LCORL: variants seen among roughly 807,000 people sequenced by gnomAD.
The protein encoded by LCORL is ligand dependent nuclear receptor corepressor like, also known as ligand-dependent nuclear receptor corepressor-like protein.
A neutral mutation model predicts 141.8 loss-of-function variants in LCORL; 41 were observed. The observed-to-expected ratio is 0.29, with a 90% CI of 0.23 to 0.38. LCORL has a LOEUF of 0.38. Among genes scored for constraint, LCORL ranks in the 10% least tolerant of loss-of-function variants. The pLI, the probability that LCORL is intolerant of heterozygous loss-of-function variation, is 1.00. For missense variants in LCORL, 1,759 were observed against 2,035.0 expected, an observed-to-expected ratio of 0.86 and a Z score of 2.61; for synonymous variants, 618 against 694.1, an observed-to-expected ratio of 0.89 and a Z score of 1.72.
chr4:18,005,919 T>G (rs2109848157), intron 1 of LCORL, among the ~76,000 whole-genome samples: 1 of 152,264 alleles, frequency 6.6e-6, no homozygotes, highest in South Asian at 2.1e-4. Context: ...CCCACAGTCT[T>G]GGGGATTAAC....
At chr4:18,003,556 T>C (rs1722317702) in intron 1 of LCORL, among the ~76,000 whole-genome samples, 1 of 152,096 alleles carries the variant, frequency 6.6e-6, no homozygotes, top group East Asian at 1.9e-4. Context: ...AACTGCAGTT[T>C]TTGCCATCAA....
intron 7 of LCORL, among the ~76,000 whole-genome samples, chr4:17,863,055 C>G (rs1725186938): frequency 6.6e-6 from 1 of 152,178 alleles, no homozygotes; most frequent in African/African-American, 2.4e-5. Context: ...GTGGCTCACA[C>G]CTGTAATCCC....
intron 7 of LCORL, among the ~76,000 whole-genome samples, chr4:17,871,433 A>G (rs2109166939): frequency 6.6e-6 from 1 of 152,122 alleles, no homozygotes; most frequent in South Asian, 2.1e-4. Context: ...AGTAGTCACT[A>G]GGCATCTTCC....
At chr4:17,896,728 C>G (rs1192816008) in intron 5 of LCORL, among the ~76,000 whole-genome samples, 1 of 152,174 alleles carries the variant, frequency 6.6e-6, no homozygotes, top group Non-Finnish European at 1.5e-5. Context: ...GTGTTGCAAA[C>G]AATATAATTA....
intron 6 of LCORL, chr4:17,881,923 G>C (rs1338551482): frequency 1.0e-6 from 1 of 979,008 alleles, no homozygotes. Flanking sequence ...TCTTTAAAAA[G>C]AAAGATGACC....
chr4:17,918,062 T>A (rs1162482470), intron 4 of LCORL, among the ~76,000 whole-genome samples: 1 of 152,340 alleles, frequency 6.6e-6, no homozygotes, highest in Non-Finnish European at 1.5e-5. Flanking sequence ...AGTCTTACGA[T>A]TGTAGACGTA....
intron 4 of LCORL, among the ~76,000 whole-genome samples, chr4:17,946,876 G>A (rs555945303): frequency 2.0e-5 from 3 of 152,080 alleles, no homozygotes; most frequent in Admixed American, 6.6e-5. Flanking sequence ...AGAAAAAATT[G>A]CAGAGAAAAG....
At chr4:17,918,394 T>C (rs972994793) in intron 4 of LCORL, among the ~76,000 whole-genome samples, 3 of 151,800 alleles carry the variant, frequency 2.0e-5, no homozygotes, top group African/African-American at 7.3e-5. Flanking sequence ...ATTGAACTTA[T>C]TAGACAAAAA....
chr4:17,961,929 T>C (rs1306497785), exon 4 of LCORL: 1 of 1,610,656 alleles, frequency 6.2e-7, no homozygotes, highest in South Asian at 1.1e-5. Context: ...TGCATTTAGG[T>C]AATTTTCTGC....
chr4:17,998,066 T>C (rs1225433935), intron 1 of LCORL, among the ~76,000 whole-genome samples: 1 of 152,206 alleles, frequency 6.6e-6, no homozygotes, highest in Non-Finnish European at 1.5e-5. Context: ...AGAACGTTAC[T>C]GTACTGAATA....
At chr4:17,846,397 A>T (rs1423537221) in intron 7 of LCORL, among the ~76,000 whole-genome samples, 1 of 152,170 alleles carries the variant, frequency 6.6e-6, no homozygotes, top group Non-Finnish European at 1.5e-5. Flanking sequence ...CTGAGAGTTA[A>T]GTACAAATAT....
exon 7 of LCORL, chr4:17,873,478 G>A (rs1726588642): frequency 8.1e-7 from 1 of 1,233,508 alleles, no homozygotes; most frequent in African/African-American, 1.6e-5. Flanking sequence ...ATCTTCCATG[G>A]TGGTCTTTTT....
chr4:18,020,098 A>C (rs1455999661), intron 1 of LCORL, among the ~76,000 whole-genome samples: 27 of 150,876 alleles, frequency 1.8e-4, no homozygotes, highest in Admixed American at 1.8e-3. Context: ...ACATCACTTA[A>C]ATGCCCCCTA....
intron 5 of LCORL, among the ~76,000 whole-genome samples, chr4:17,889,451 T>A (rs1000250295): frequency 6.6e-6 from 1 of 152,128 alleles, no homozygotes; most frequent in East Asian, 1.9e-4. Context: ...AATTCTTTTA[T>A]CAATTAATGT....
intron 4 of LCORL, among the ~76,000 whole-genome samples, chr4:17,935,728 C>T (rs1736744675): frequency 6.6e-6 from 1 of 152,170 alleles, no homozygotes; most frequent in Admixed American, 6.5e-5. Flanking sequence ...TCTTGTGAAG[C>T]CTGCAGAACC....
intron 1 of LCORL, among the ~76,000 whole-genome samples, chr4:18,002,079 A>T (rs1722064223): frequency 6.6e-6 from 1 of 152,200 alleles, no homozygotes; most frequent in Admixed American, 6.5e-5. Context: ...GTGCTGACAA[A>T]TACTGTAACA....
chr4:17,848,141 A>G (rs1723160282), intron 7 of LCORL, among the ~76,000 whole-genome samples: 2 of 152,210 alleles, frequency 1.3e-5, no homozygotes, highest in Non-Finnish European at 2.9e-5. Context: ...CAGGTGCACA[A>G]AACTATACTT....
chr4:17,991,459 G>A (rs1720000565), intron 1 of LCORL, among the ~76,000 whole-genome samples: 1 of 152,212 alleles, frequency 6.6e-6, no homozygotes, highest in Admixed American at 6.5e-5. Flanking sequence ...TGTAGCTAGA[G>A]TCAACTGAGT....
chr4:18,008,138 T>C (rs956603015), intron 1 of LCORL, among the ~76,000 whole-genome samples: 1 of 152,186 alleles, frequency 6.6e-6, no homozygotes, highest in Non-Finnish European at 1.5e-5. Context: ...ATTCTTAGAA[T>C]TAGGATAGAA....
Sources: allele counts gnomAD v4.1 joint callset (sites outside exome capture counted in the v4.1 genomes callset), GRCh38; gene constraint gnomAD v4.1.1; transcripts MANE v1.5; gene names NCBI Gene and HGNC (gene_info 2026-07-23, HGNC 2026-07-21).